XKR6: variants seen among roughly 807,000 people sequenced by gnomAD.
XKR6 encodes the protein XK-related protein 6.
Under a neutral mutation model 56.7 loss-of-function variants are expected in XKR6, and 22 were observed. The ratio of observed to expected loss-of-function variants is 0.39; its 90% CI spans 0.28 to 0.55. The LOEUF (loss-of-function observed/expected upper bound fraction) is 0.55, where lower values mean the gene tolerates loss of function less well. Ranked by LOEUF, XKR6 falls within the 20% of genes least tolerant of loss-of-function variation. The probability of loss-of-function intolerance (pLI) is 0.66; values close to 1 mark genes in which losing one functional copy is unlikely to be tolerated. For missense variants in XKR6, 852 were observed against 889.0 expected (o/e 0.96, Z 0.53); for synonymous variants, 524 against 387.8 (o/e 1.35, Z -4.13).
intron 1 of XKR6, among the ~76,000 whole-genome samples, chr8:11,191,846 G>C (rs201584557): frequency 1.4e-4 from 21 of 152,062 alleles, no homozygotes; most frequent in African/African-American, 4.8e-4. Flanking sequence ...GTACAAAACA[G>C]CTATTAGATG....
At chr8:11,086,031 G>A (rs1815803345) in intron 1 of XKR6, among the ~76,000 whole-genome samples, 1 of 151,816 alleles carries the variant, frequency 6.6e-6, no homozygotes, top group Admixed American at 6.6e-5. Context: ...CCTTGGCAGG[G>A]GGCCCGAGTG....
intron 1 of XKR6, among the ~76,000 whole-genome samples, chr8:10,983,751 G>A (rs1002769284): frequency 6.6e-6 from 1 of 151,954 alleles, no homozygotes; most frequent in Admixed American, 6.6e-5. Flanking sequence ...CGCCTCCCAG[G>A]TTCACACAAT....
Position 11,178,547 on chromosome 8 carries a change from A to ATATATATAT in XKR6, c.764+22028_764+22029insATATATATA, listed in dbSNP as rs1802779230. Among the ~76,000 whole-genome samples the ATATATATAT allele has an allele frequency of 3.2e-3, 279 of 88,398 alleles. 3 individuals are homozygous for ATATATATAT. Among genetic ancestry groups the ATATATATAT allele is most frequent in the African/African-American group, 0.015 (260 of 17,114 alleles). The allele number at this position is 88,398 out of a possible 152,430, so 58.0% of individuals were successfully genotyped here. ...TAAGTCCAAACATCTGAGAGGTAAA[A>ATATATATAT]ATATATATATATATATATATATATA... On this transcript the variant is annotated intron_variant, in intron 1 of 2. Coordinates refer to ENST00000416569, the MANE Select transcript of XKR6 (RefSeq NM_173683.4).
intron 1 of XKR6, among the ~76,000 whole-genome samples, chr8:10,939,883 C>G (rs1801337986): frequency 6.6e-6 from 1 of 152,222 alleles, no homozygotes; most frequent in Admixed American, 6.5e-5. Context: ...CATTGTGCAT[C>G]TCCAGCTTCT....
intron 1 of XKR6, among the ~76,000 whole-genome samples, chr8:11,149,057 G>A (rs561913002): frequency 2.6e-5 from 4 of 152,202 alleles, no homozygotes; most frequent in Non-Finnish European, 4.4e-5. Context: ...AACTGTGGGG[G>A]TCTCAGGACC....
intron 1 of XKR6, among the ~76,000 whole-genome samples, chr8:11,111,008 ATTTTTTTTTTT>A (rs58233543): frequency 2.6e-5 from 3 of 114,218 alleles, no homozygotes; most frequent in Admixed American, 2.0e-4. Flanking sequence ...GGCTTTTTCT[ATTTTTTTTTTT>A]TTTTTTTTTT....
intron 1 of XKR6, chr8:11,062,658 T>A: frequency 2.3e-6 from 1 of 436,592 alleles, no homozygotes; most frequent in Non-Finnish European, 4.6e-6. Context: ...ATAGTAAACA[T>A]AATTACTCTT....
intron 1 of XKR6, among the ~76,000 whole-genome samples, chr8:11,010,964 C>G (rs961327638): frequency 1.3e-5 from 2 of 152,214 alleles, no homozygotes; most frequent in African/African-American, 4.8e-5. Context: ...ACCGCCTTCT[C>G]TATGCCAGGT....
intron 1 of XKR6, among the ~76,000 whole-genome samples, chr8:11,029,810 A>G (rs114784725): frequency 0.012 from 1,749 of 151,952 alleles, 29 homozygotes; most frequent in African/African-American, 0.039. Context: ...CTCTTATTCT[A>G]ATTTTCAATT....
rs556376920 is a variant in XKR6, at chr8:10,993,388, G to T, written c.765-68558C>A. On this transcript the variant is annotated intron_variant, in intron 1 of 2. Coordinates refer to ENST00000416569, the MANE Select transcript of XKR6 (RefSeq NM_173683.4). ...TAGAAGGAAGAAAGGAAAGAAAGCGGGTGGGAAGAGCTGGTGAGGAGGGAG... is the reference window on the plus strand; with the variant it reads ...TAGAAGGAAGAAAGGAAAGAAAGCGTGTGGGAAGAGCTGGTGAGGAGGGAG... Among the ~76,000 whole-genome samples, 3 of 152,382 alleles carry T rather than the reference G, an allele frequency of 2.0e-5. No homozygotes were observed. In the East Asian group the frequency reaches 5.8e-4, roughly 29 times the overall value.
intron 1 of XKR6, chr8:11,104,865 G>C (rs967595485): frequency 2.0e-5 from 3 of 152,170 alleles, no homozygotes; most frequent in African/African-American, 4.8e-5. Context: ...GTGGATCTTT[G>C]CGTTATGTGA....
intron 1 of XKR6, among the ~76,000 whole-genome samples, chr8:10,982,718 C>A (rs1223503235): frequency 6.6e-6 from 1 of 152,182 alleles, no homozygotes; most frequent in South Asian, 2.1e-4. Context: ...GCATTAGAGG[C>A]CCTGGCGTTT....
chr8:10,905,471 C>T (rs977055386), intron 2 of XKR6, among the ~76,000 whole-genome samples: 1 of 152,096 alleles, frequency 6.6e-6, no homozygotes, highest in Non-Finnish European at 1.5e-5. Flanking sequence ...ATGAGGAGAC[C>T]GAAACAGCAG....
At chr8:10,966,653 C>G (rs1802233773) in intron 1 of XKR6, among the ~76,000 whole-genome samples, 1 of 152,064 alleles carries the variant, frequency 6.6e-6, no homozygotes, top group South Asian at 2.1e-4. Flanking sequence ...CAGCCTGGAC[C>G]ACAGAGTGAG....
chr8:11,146,647 A>C (rs1801001341), intron 1 of XKR6, among the ~76,000 whole-genome samples: 1 of 151,942 alleles, frequency 6.6e-6, no homozygotes, highest in African/African-American at 2.4e-5. Context: ...AAACACTAAC[A>C]AAATGGGCTT....
chr8:11,048,599 G>A (rs1160177370), intron 1 of XKR6, among the ~76,000 whole-genome samples: 1 of 152,190 alleles, frequency 6.6e-6, no homozygotes, highest in East Asian at 1.9e-4. Context: ...AAAGGCCCCC[G>A]AGGATTCGGA....
At chr8:11,102,008 G>T (rs540619698) in intron 1 of XKR6, among the ~76,000 whole-genome samples, 2 of 152,290 alleles carry the variant, frequency 1.3e-5, no homozygotes, top group African/African-American at 4.8e-5. Context: ...CGGGAGAAAC[G>T]AGGAGGATGT....
intron 1 of XKR6, among the ~76,000 whole-genome samples, chr8:11,072,372 AC>A: frequency 1.4e-5 from 2 of 148,010 alleles, no homozygotes; most frequent in African/African-American, 5.0e-5. Flanking sequence ...GCAGGGCTCC[AC>A]CCCCTCTCTG....
intron 1 of XKR6, among the ~76,000 whole-genome samples, chr8:11,029,328 C>A (rs1008219507): frequency 1.3e-5 from 2 of 152,116 alleles, no homozygotes; most frequent in Non-Finnish European, 2.9e-5. Context: ...CCCTCATATT[C>A]GCTGGTAGGG....
Sources: gnomAD v4.1 joint callset for allele counts (sites outside exome capture counted in the v4.1 genomes callset) on GRCh38, gnomAD v4.1.1 for gene constraint, MANE v1.5 for transcripts, NCBI Gene and HGNC (gene_info 2026-07-23, HGNC 2026-07-21) for gene names.